Variants in CELF4 observed in about 807,000 individuals in gnomAD.
CELF4 encodes the protein CUG-BP- and ETR-3-like factor 4.
CELF4 carries 18 observed loss-of-function variants against 59.9 expected under a neutral mutation model. That is an observed-to-expected ratio of 0.30 (90% confidence interval 0.21 to 0.45). The LOEUF is 0.45. CELF4 is among the 20% of genes least tolerant of loss of function. The probability of loss-of-function intolerance (pLI) is 1.00; values close to 1 mark genes in which losing one functional copy is unlikely to be tolerated. For synonymous variants in CELF4, 261 were observed against 267.1 expected (o/e 0.98, Z 0.22); for missense variants, 456 against 689.0 (o/e 0.66, Z 3.79).
At chr18:37,461,933 C>A (rs1954869) in intron 2 of CELF4, among the ~76,000 whole-genome samples, 66,767 of 152,062 alleles carry the variant, frequency 0.44, 16,039 homozygotes, top group East Asian at 0.65. Flanking sequence ...CTGAGAAGGA[C>A]AAGGCATGAT....
intron 3 of CELF4, among the ~76,000 whole-genome samples, chr18:37,320,335 CAAAAAAAAAAAA>C (rs397858112): frequency 7.7e-5 from 5 of 65,264 alleles, no homozygotes; most frequent in Non-Finnish European, 1.5e-4. Context: ...GACTCCATCT[CAAAAAAAAAAAA>C]AAAAAAAAAG....
At chr18:37,422,862 C>T (rs889278614) in intron 2 of CELF4, among the ~76,000 whole-genome samples, 8 of 152,190 alleles carry the variant, frequency 5.3e-5, no homozygotes, top group Admixed American at 3.3e-4. Flanking sequence ...ATTTCCCCAG[C>T]AGAAATGACC....
At chr18:37,320,732 T>A (rs1479481045) in intron 3 of CELF4, among the ~76,000 whole-genome samples, 1 of 152,102 alleles carries the variant, frequency 6.6e-6, no homozygotes, top group South Asian at 2.1e-4. Flanking sequence ...TGAGGCTCAG[T>A]GTGAGTGCCG....
At chr18:37,564,893 T>C (rs528147728) in intron 1 of CELF4, among the ~76,000 whole-genome samples, 1 of 152,046 alleles carries the variant, frequency 6.6e-6, no homozygotes, top group Non-Finnish European at 1.5e-5. Context: ...CCTGCTACTC[T>C]AGCCCGGAGC....
chr18:37,432,917 G>A (rs2099674887), intron 2 of CELF4, among the ~76,000 whole-genome samples: 1 of 152,104 alleles, frequency 6.6e-6, no homozygotes, highest in South Asian at 2.1e-4. Flanking sequence ...CTTTTGATTT[G>A]CTCCTGGTCA....
chr18:37,558,865 C>A (rs1603644193), intron 1 of CELF4, among the ~76,000 whole-genome samples: 1 of 151,030 alleles, frequency 6.6e-6, no homozygotes, highest in African/African-American at 2.4e-5. Context: ...CCTGGAATAC[C>A]AAGAGGCAGT....
At chr18:37,330,652 C>T (rs2097507003) in intron 2 of CELF4, among the ~76,000 whole-genome samples, 1 of 152,138 alleles carries the variant, frequency 6.6e-6, no homozygotes, top group South Asian at 2.1e-4. Context: ...CAGCATGGCC[C>T]CAATGCACAG....
intron 2 of CELF4, among the ~76,000 whole-genome samples, chr18:37,456,624 T>G (rs752005063): frequency 6.6e-6 from 1 of 152,070 alleles, no homozygotes; most frequent in Non-Finnish European, 1.5e-5. Flanking sequence ...TTCCTTTGGG[T>G]CGAAATTAGG....
At chr18:37,547,531 A>G (rs2099981861) in intron 1 of CELF4, among the ~76,000 whole-genome samples, 2 of 152,154 alleles carry the variant, frequency 1.3e-5, no homozygotes, top group Admixed American at 6.5e-5. Flanking sequence ...AAATTTCTCC[A>G]GGTCCTGCCT....
At chr18:37,491,386 C>T (rs949420738) in intron 1 of CELF4, among the ~76,000 whole-genome samples, 1 of 152,190 alleles carries the variant, frequency 6.6e-6, no homozygotes, top group African/African-American at 2.4e-5. Context: ...CTTATTCAGC[C>T]ATGTCACCTT....
Position 37,494,318 on chromosome 18 carries a change from C to T in CELF4, c.287-8711G>A, listed in dbSNP as rs186380543. On this transcript the variant is annotated intron_variant, in intron 1 of 12. Coordinates refer to ENST00000420428, the MANE Select transcript of CELF4 (RefSeq NM_020180.4). ...CCCCCTTTTCAGCAAAGAGCTCCTC[C>T]ATCTATGGTCAGGGCTGATGGGCCC... Among the ~76,000 whole-genome samples the T allele has an allele frequency of 1.9e-4, 29 of 152,346 alleles. No individual in the cohort carries two copies. The East Asian group carries it at 3.7e-3, about 19-fold the overall frequency.
chr18:37,367,942 T>C (rs1381126123), intron 2 of CELF4, among the ~76,000 whole-genome samples: 1 of 151,910 alleles, frequency 6.6e-6, no homozygotes, highest in Non-Finnish European at 1.5e-5. Flanking sequence ...ACCCAGCCCA[T>C]CTTCCAGCAG....
In CELF4 at chr18:37,282,000, A is replaced by AGGC. The variant is rs1230773998; in HGVS notation, c.449-6760_449-6758dup. Among the ~76,000 whole-genome samples, 3 of 152,280 alleles carry AGGC rather than the reference A, an allele frequency of 2.0e-5. No individual in the cohort carries two copies. The South Asian group carries it at 6.2e-4, about 32-fold the overall frequency. On this transcript the variant is annotated intron_variant, in intron 3 of 12. Coordinates refer to ENST00000420428, the MANE Select transcript of CELF4 (RefSeq NM_020180.4). Reference sequence around the variant, plus strand: ...AATGGTGTCCTCCAGATACTAACTGAGGCTGTTTGTCAAATCCTAGTTCCA... The same window carrying AGGC: ...AATGGTGTCCTCCAGATACTAACTGAGGCGGCTGTTTGTCAAATCCTAGTTCCA...
At chr18:37,542,714 TATTATG>T (rs1320252511) in intron 1 of CELF4, among the ~76,000 whole-genome samples, 1 of 152,214 alleles carries the variant, frequency 6.6e-6, no homozygotes, top group Non-Finnish European at 1.5e-5. Context: ...CCTCTCTTAT[TATTATG>T]ATTATGATTA....
intron 1 of CELF4, among the ~76,000 whole-genome samples, chr18:37,564,202 G>A (rs984454164): frequency 5.3e-5 from 8 of 152,040 alleles, no homozygotes; most frequent in Admixed American, 1.3e-4. Flanking sequence ...TCCCTGCCTG[G>A]CGATCAATCT....
intron 2 of CELF4, among the ~76,000 whole-genome samples, chr18:37,373,136 G>A (rs949666611): frequency 6.6e-6 from 1 of 152,314 alleles, no homozygotes; most frequent in African/African-American, 2.4e-5. Context: ...AGTGGACGCC[G>A]CCCTGGTGAG....
intron 10 of CELF4, among the ~76,000 whole-genome samples, chr18:37,263,444 G>A (rs972064240): frequency 2.6e-5 from 4 of 152,110 alleles, no homozygotes; most frequent in Non-Finnish European, 5.9e-5. Context: ...GGAGGCCATC[G>A]GAAGGCTCTG....
At chr18:37,375,951 G>C (rs1464418874) in intron 2 of CELF4, among the ~76,000 whole-genome samples, 1 of 152,110 alleles carries the variant, frequency 6.6e-6, no homozygotes, top group Non-Finnish European at 1.5e-5. Context: ...TTTATTACTG[G>C]GTAACTAGTT....
chr18:37,476,202 T>C (rs1243960821), intron 2 of CELF4, among the ~76,000 whole-genome samples: 1 of 152,238 alleles, frequency 6.6e-6, no homozygotes, highest in Non-Finnish European at 1.5e-5. Flanking sequence ...CTGGAAAGGT[T>C]GGGTGGATGC....
Sources: gnomAD v4.1 joint callset for allele counts (sites outside exome capture counted in the v4.1 genomes callset) on GRCh38, gnomAD v4.1.1 for gene constraint, MANE v1.5 for transcripts, NCBI Gene and HGNC (gene_info 2026-07-23, HGNC 2026-07-21) for gene names.